Variants in CSNK2A1 observed in about 807,000 individuals in gnomAD.
CSNK2A1 encodes the protein casein kinase II subunit alpha.
Under a neutral mutation model 62.9 loss-of-function variants are expected in CSNK2A1, and 10 were observed. The ratio of observed to expected loss-of-function variants is 0.16; its 90% CI spans 0.10 to 0.27. The LOEUF (loss-of-function observed/expected upper bound fraction) is 0.27, where lower values mean the gene tolerates loss of function less well. CSNK2A1 is among the 10% of genes least tolerant of loss of function. The probability of loss-of-function intolerance (pLI) is 1.00; values close to 1 mark genes in which losing one functional copy is unlikely to be tolerated. For missense variants in CSNK2A1, 160 were observed against 492.0 expected (o/e 0.33, Z 6.38); for synonymous variants, 124 against 167.8 (o/e 0.74, Z 2.02).
At chr20:498,256 G>A (rs1448590732) in intron 6 of CSNK2A1, 1 of 152,656 alleles carries the variant, frequency 6.6e-6, no homozygotes, top group Non-Finnish European at 1.5e-5. Flanking sequence ...TGTTCCAATT[G>A]GAAAGTAAAC....
At chr20:492,206 T>C in intron 9 of CSNK2A1, 48 bp downstream of exon 9, 1 of 1,516,512 alleles carries the variant, frequency 6.6e-7, no homozygotes, top group Non-Finnish European at 9.1e-7. Context: ...GTAAATTATG[T>C]GCGAAATAAA....
intron 8 of CSNK2A1, chr20:494,235 G>C (rs1238347647): frequency 4.6e-5 from 7 of 152,096 alleles, no homozygotes; most frequent in African/African-American, 1.7e-4. Flanking sequence ...TCACCATGTT[G>C]GCCAGGCTGG....
At chr20:524,602 T>C (rs1248189860) in intron 2 of CSNK2A1, among the ~76,000 whole-genome samples, 8 of 139,850 alleles carry the variant, frequency 5.7e-5, no homozygotes, top group East Asian at 2.1e-4. Context: ...TGGTGGCGGG[T>C]GCCTATAATC....
Position 482,281 on chromosome 20 carries a change from A to G in CSNK2A1, c.*1680T>C, listed in dbSNP as rs2017969684. ...CCTAGTTCCCACAAGCAGCTACTGT[A>G]ATGAAATAACAGGAGAAAATACAGA... On this transcript the variant is annotated 3_prime_UTR_variant, in exon 14 of 14. Coordinates refer to ENST00000217244, the MANE Select transcript of CSNK2A1 (RefSeq NM_177559.3). 1 of 152,228 alleles carries G rather than the reference A, an allele frequency of 6.6e-6. No individual in the cohort carries two copies. The highest frequency in any genetic ancestry group is 1.5e-5 in the Non-Finnish European group (1 of 68,040). The allele number at this position is 152,228 out of a possible 1,614,324, so 9.4% of individuals were successfully genotyped here. A position where few individuals can be genotyped will look rare whatever the true frequency, so the allele number is the denominator to read the frequency against.
rs765766067 is a variant in CSNK2A1 at position 475,516 on chromosome 20, A to G, written c.*8445T>C. 1.3e-5 allele frequency: 2 copies of G among 151,992 alleles called. No individual in the cohort carries two copies. Among genetic ancestry groups the G allele is most frequent in the Non-Finnish European group, 2.9e-5 (2 of 67,996 alleles). The allele number at this position is 151,992 out of a possible 1,614,324, so 9.4% of individuals were successfully genotyped here. A position where few individuals can be genotyped will look rare whatever the true frequency, so the allele number is the denominator to read the frequency against. ...TTTCCACACACACATATATATATAC[A>G]TAGATGTTATATGTGGTTGCCTTCT... On this transcript the variant is annotated 3_prime_UTR_variant, in exon 14 of 14. Transcript: ENST00000217244.
At chr20:497,505 C>G (rs1348074534) in intron 7 of CSNK2A1, among the ~76,000 whole-genome samples, 1 of 151,024 alleles carries the variant, frequency 6.6e-6, no homozygotes, top group African/African-American at 2.4e-5. Flanking sequence ...CCAGGCTGGT[C>G]TTTTGATCTC....
chr20:485,089 AAAAAAAAAAAAAAAAAAAAAAT>A (rs2018049281), intron 13 of CSNK2A1, among the ~76,000 whole-genome samples: 13 of 36,712 alleles, frequency 3.5e-4, no homozygotes, highest in Non-Finnish European at 6.8e-4. Flanking sequence ...AAAAAAAAAA[AAAAAAAAAAAAAAAAAAAAAAT>A]ATATATATAT....
At chr20:526,779 C>A (rs2019099626) in intron 2 of CSNK2A1, 1 of 151,728 alleles carries the variant, frequency 6.6e-6, no homozygotes, top group South Asian at 2.1e-4. Flanking sequence ...TATGGTGAAA[C>A]CCCATCTCTA....
chr20:523,004 C>T (rs982278166), intron 2 of CSNK2A1, among the ~76,000 whole-genome samples: 3 of 152,092 alleles, frequency 2.0e-5, no homozygotes, highest in South Asian at 4.1e-4. Flanking sequence ...TGACATATCA[C>T]GGTTATGGCA....
intron 2 of CSNK2A1, among the ~76,000 whole-genome samples, chr20:525,514 G>A (rs2056340549): frequency 6.6e-6 from 1 of 151,806 alleles, no homozygotes; most frequent in Non-Finnish European, 1.5e-5. Context: ...AGCTGGGCAT[G>A]GTGGCGGGCG....
At chr20:511,315 G>C (rs1312777748) in intron 2 of CSNK2A1, among the ~76,000 whole-genome samples, 1 of 152,090 alleles carries the variant, frequency 6.6e-6, no homozygotes, top group African/African-American at 2.4e-5. Context: ...ACTCCAGCCT[G>C]GGTGACAGGA....
At chr20:514,505 C>T (rs917591476) in intron 2 of CSNK2A1, among the ~76,000 whole-genome samples, 1 of 152,046 alleles carries the variant, frequency 6.6e-6, no homozygotes, top group African/African-American at 2.4e-5. Flanking sequence ...CAATCTCGCT[C>T]GGCTCACTGA....
intron 2 of CSNK2A1, among the ~76,000 whole-genome samples, chr20:516,845 C>A (rs1332118010): frequency 6.6e-6 from 1 of 151,806 alleles, no homozygotes; most frequent in Non-Finnish European, 1.5e-5. Flanking sequence ...TATTAGTCTC[C>A]ATCTTAAAAG....
chr20:528,617 T>G (rs79500454), intron 1 of CSNK2A1, among the ~76,000 whole-genome samples: 1 of 150,760 alleles, frequency 6.6e-6, no homozygotes, highest in African/African-American at 2.4e-5. Context: ...CTTTCTTTTG[T>G]TTTTTTTTCT....
rs1405380847 is a variant in CSNK2A1, at chr20:482,077, C to G, written c.*1884G>C. On this transcript the variant is annotated 3_prime_UTR_variant, in exon 14 of 14. Coordinates refer to ENST00000217244, the MANE Select transcript of CSNK2A1 (RefSeq NM_177559.3). ...TTACCATTATATTCACTAAAGCCAC[C>G]ACCTTGATAAAGTTACTAAAGCCAA... 4 of 152,116 alleles carry G rather than the reference C, an allele frequency of 2.6e-5. No homozygotes were observed. The highest frequency in any genetic ancestry group is 4.8e-5 in the African/African-American group (2 of 41,408). The allele number at this position is 152,116 out of a possible 1,614,324, so 9.4% of individuals were successfully genotyped here.
chr20:522,471 A>G (rs1188694605), intron 2 of CSNK2A1, among the ~76,000 whole-genome samples: 1 of 152,220 alleles, frequency 6.6e-6, no homozygotes, highest in Non-Finnish European at 1.5e-5. Flanking sequence ...AGGACATTCT[A>G]TAACATACAT....
At chr20:526,238 A>T (rs205876) in intron 2 of CSNK2A1, among the ~76,000 whole-genome samples, 1 of 152,066 alleles carries the variant, frequency 6.6e-6, no homozygotes, top group Non-Finnish European at 1.5e-5. Context: ...TTGAAAGGCC[A>T]AGGCAAAGGA....
chr20:479,096 C>G lies in CSNK2A1; in HGVS notation c.*4865G>C, dbSNP rs969959168. The G allele has an allele frequency of 5.2e-5, 8 of 152,434 alleles. No individual in the cohort carries two copies. Among genetic ancestry groups the G allele is most frequent in the African/African-American group, 1.9e-4 (8 of 41,436 alleles). 9.4% of individuals were successfully genotyped at this position (152,434 alleles called of 1,614,324 possible). A position where few individuals can be genotyped will look rare whatever the true frequency, so the allele number is the denominator to read the frequency against. ...TGACTTGTACCCGTTGAAAACCTGT[C>G]ATGTTTAATGCTTGGATATTTTTTC... On this transcript the variant is annotated 3_prime_UTR_variant, in exon 14 of 14. Transcript: ENST00000217244.
chr20:482,456 C>T lies in CSNK2A1; in HGVS notation c.*1505G>A, dbSNP rs1431114090. 6.6e-6 allele frequency: 1 copy of T among 152,248 alleles called. No homozygotes were observed. Among genetic ancestry groups the T allele is most frequent in the African/African-American group, 2.4e-5 (1 of 41,444 alleles). 9.4% of individuals were successfully genotyped at this position (152,248 alleles called of 1,614,324 possible). ...CGACTTTTTCCATCCCCAATCCCTG[C>T]ACTGCTGAGACACAAAATGAGTTTT... On this transcript the variant is annotated 3_prime_UTR_variant, in exon 14 of 14. Transcript: ENST00000217244.
Sources: allele counts gnomAD v4.1 joint callset (sites outside exome capture counted in the v4.1 genomes callset), GRCh38; gene constraint gnomAD v4.1.1; transcripts MANE v1.5; gene names NCBI Gene and HGNC (gene_info 2026-07-23, HGNC 2026-07-21).